TGM6: variants seen among roughly 807,000 people sequenced by gnomAD.
The protein encoded by TGM6 is protein-glutamine gamma-glutamyltransferase 6.
A neutral mutation model predicts 77.5 loss-of-function variants in TGM6; 74 were observed. The ratio of observed to expected loss-of-function variants is 0.96; its 90% confidence interval spans 0.79 to 1.16. TGM6 has a LOEUF of 1.16. Ranked by LOEUF, TGM6 falls within the 50% of genes most tolerant of loss-of-function variation. The pLI is 0.00. For synonymous variants in TGM6, 383 were observed against 378.9 expected, an observed-to-expected ratio of 1.01 and a Z score of -0.12; for missense variants, 968 against 940.2, an observed-to-expected ratio of 1.03 and a Z score of -0.39.
rs775442192 is a variant in TGM6, at chr20:2,417,574, G to GT, written c.1678+2dup. 8 of 1,598,282 alleles carry GT rather than the reference G, an allele frequency of 5.0e-6. No individual in the cohort carries two copies. The highest frequency in any genetic ancestry group is 6.8e-6 in the Non-Finnish European group (8 of 1,178,830). On this transcript the variant is annotated splice_donor_variant, in intron 10 of 12. Transcript: ENST00000202625. LOFTEE classifies it high-confidence loss of function. Reference sequence around the variant, plus strand: ...GCCGTGAGGCTGGGGCCGCAAGAAGGTAAGTGTACGCTGGCTTGGTGGAAT... The same window carrying GT: ...GCCGTGAGGCTGGGGCCGCAAGAAGGTTAAGTGTACGCTGGCTTGGTGGAAT...
intron 9 of TGM6, among the ~76,000 whole-genome samples, chr20:2,409,911 T>G (rs1018441338): frequency 6.6e-6 from 1 of 152,080 alleles, no homozygotes; most frequent in Non-Finnish European, 1.5e-5. Context: ...AAGAGAAGAA[T>G]CAAATTACTA....
At chr20:2,394,411 A>T in intron 1 of TGM6, 41 bp from the exon 2 acceptor site, 6 of 1,607,648 alleles carry the variant, frequency 3.7e-6, no homozygotes, top group Non-Finnish European at 5.1e-6. Flanking sequence ...GGTGAGAAAC[A>T]GGAGGCCGTG....
At chr20:2,391,571 G>A (rs1308889299) in intron 1 of TGM6, among the ~76,000 whole-genome samples, 5 of 152,262 alleles carry the variant, frequency 3.3e-5, no homozygotes, top group African/African-American at 9.6e-5. Flanking sequence ...AGATGAAGGA[G>A]CTTGGACAGA....
intron 11 of TGM6, 88 bp downstream of exon 11, chr20:2,430,688 T>C: frequency 6.2e-7 from 1 of 1,603,640 alleles, no homozygotes; most frequent in South Asian, 1.1e-5. Flanking sequence ...GGGGGGTTTG[T>C]GCCTTTAACT....
At chr20:2,420,536 G>A (rs1010853761) in intron 10 of TGM6, among the ~76,000 whole-genome samples, 2 of 152,172 alleles carry the variant, frequency 1.3e-5, no homozygotes, top group African/African-American at 4.8e-5. Context: ...TGCATTCTAT[G>A]GCTTTTGACA....
At position 2,397,902 on chromosome 20, in the gene TGM6, C is replaced by A; in HGVS notation, c.544-16C>A. 2 of 1,614,102 alleles carry A rather than the reference C, an allele frequency of 1.2e-6. No homozygotes were observed. The highest frequency in any genetic ancestry group is 1.7e-6 in the Non-Finnish European group (2 of 1,179,992). On this transcript the variant is annotated splice_polypyrimidine_tract_variant and intron_variant, in intron 4 of 12. Transcript: ENST00000202625. ...GACTGAACGCAGCCTCTAAGCACAG[C>A]CTCTCTGGGGAGCAGTTTGAGGAGG...
At chr20:2,430,120 T>A (rs2076650) in intron 10 of TGM6, among the ~76,000 whole-genome samples, 3 of 151,996 alleles carry the variant, frequency 2.0e-5, no homozygotes, top group East Asian at 1.9e-4. Flanking sequence ...TGAGAGATTT[T>A]CATCTTGAAT....
chr20:2,381,118 G>A (rs368296418), intron 1 of TGM6, 143 bp downstream of exon 1: 183 of 1,287,150 alleles, frequency 1.4e-4, no homozygotes, highest in South Asian at 9.3e-4. Context: ...TGAACTCTTC[G>A]TGTGGATTCA....
intron 9 of TGM6, among the ~76,000 whole-genome samples, chr20:2,412,093 C>CTGAA (rs2122395862): frequency 6.6e-6 from 1 of 152,192 alleles, no homozygotes; most frequent in Non-Finnish European, 1.5e-5. Flanking sequence ...GTGTCCATCA[C>CTGAA]TGAATGAATG....
In TGM6 at chr20:2,399,714, G is replaced by A. The variant is rs763334757; in HGVS notation, c.826G>A (p.Val276Ile). The A allele has an allele frequency of 1.2e-6, 2 of 1,613,910 alleles. No individual in the cohort carries two copies. Among genetic ancestry groups the A allele is most frequent in the African/African-American group, 1.3e-5 (1 of 74,928 alleles). The change falls in exon 6 of 13, where the codon GTC (valine) becomes ATC (isoleucine). Residue 276 changes from valine (V) to isoleucine (I), a missense_variant. Val to Ile is a conservative substitution (Grantham distance 29). Coordinates refer to ENST00000202625, the MANE Select transcript of TGM6 (RefSeq NM_198994.3). Reference protein sequence around the residue: ...YKPVKYGQCWVFAGVLCTVLR... With the variant: ...YKPVKYGQCWIFAGVLCTVLR... ...GCCAGTCAAGTACGGCCAGTGCTGG[G>A]TCTTCGCCGGAGTCCTGTGCACAGG...
At chr20:2,431,951 A>C (rs1421121830) in intron 12 of TGM6, among the ~76,000 whole-genome samples, 2 of 152,238 alleles carry the variant, frequency 1.3e-5, no homozygotes, top group East Asian at 1.9e-4. Flanking sequence ...AGAGGGGGGA[A>C]GTTCAGGGCA....
intron 12 of TGM6, 143 bp downstream of exon 12, chr20:2,431,170 A>T: frequency 1.0e-6 from 1 of 970,274 alleles, no homozygotes; most frequent in South Asian, 1.9e-5. Flanking sequence ...ATCAGCCTTC[A>T]TTCACTTATT....
At chr20:2,400,996 A>G (rs1441236457) in intron 7 of TGM6, among the ~76,000 whole-genome samples, 2 of 151,976 alleles carry the variant, frequency 1.3e-5, no homozygotes, top group South Asian at 2.1e-4. Context: ...CTGAGATCAC[A>G]CCATTACACT....
At chr20:2,420,104 G>A (rs1439164952) in intron 10 of TGM6, among the ~76,000 whole-genome samples, 1 of 152,160 alleles carries the variant, frequency 6.6e-6, no homozygotes, top group East Asian at 1.9e-4. Flanking sequence ...AATTAGCCGG[G>A]CGTGGCGGCA....
chr20:2,414,873 T>C (rs1374245464), intron 9 of TGM6, among the ~76,000 whole-genome samples: 1 of 131,610 alleles, frequency 7.6e-6, no homozygotes, highest in Admixed American at 8.7e-5. Flanking sequence ...TATTAGTGGT[T>C]GCCTAGGGCT....
chr20:2,430,731 G>T lies in TGM6; in HGVS notation c.1833+131G>T. ...TAGCTCTCCAGGGTGGGAGGAGTGGGTTGGACATAAGGGGATGGGTGCAAT... is the reference window on the plus strand; with the variant it reads ...TAGCTCTCCAGGGTGGGAGGAGTGGTTTGGACATAAGGGGATGGGTGCAAT... On this transcript the variant is annotated intron_variant, in intron 11 of 12. Transcript: ENST00000202625. The T allele has an allele frequency of 1.9e-6, 3 of 1,589,384 alleles. No individual in the cohort carries two copies. In the South Asian group the frequency reaches 3.3e-5, roughly 18 times the overall value.
chr20:2,395,558 C>T (rs1320670538), intron 3 of TGM6, 122 bp downstream of exon 3: 7 of 1,564,090 alleles, frequency 4.5e-6, no homozygotes, highest in Non-Finnish European at 4.4e-6. Context: ...AAGAGCTGGG[C>T]AAGAACTTAG....
intron 9 of TGM6, among the ~76,000 whole-genome samples, chr20:2,410,447 T>A (rs1210294547): frequency 6.6e-6 from 1 of 152,152 alleles, no homozygotes; most frequent in East Asian, 1.9e-4. Flanking sequence ...ATATCCTTCA[T>A]AACAAACCAG....
At position 2,411,934 on chromosome 20, in the gene TGM6, C is replaced by T. The variant is rs141370889; in HGVS notation, c.1337-5298C>T. Among the ~76,000 whole-genome samples, 914 of 152,230 alleles carry T rather than the reference C, an allele frequency of 6.0e-3. 2 individuals are homozygous for T. The highest frequency in any genetic ancestry group is 9.3e-3 in the Non-Finnish European group (636 of 68,022). ...CAGCAATTCAGCTTCCAGGTATATG[C>T]CCAAAAGAATTGAAAGCAGGACCTC... is the stretch of plus-strand genomic sequence containing the variant. On this transcript the variant is annotated intron_variant, in intron 9 of 12. Transcript: ENST00000202625.
Sources: gnomAD v4.1 joint callset for allele counts (sites outside exome capture counted in the v4.1 genomes callset) on GRCh38, gnomAD v4.1.1 for gene constraint, MANE v1.5 for transcripts, NCBI Gene and HGNC (gene_info 2026-07-23, HGNC 2026-07-21) for gene names.